Variants in DCC observed in about 807,000 individuals in gnomAD.
The protein encoded by DCC is DCC netrin 1 receptor, also known as netrin receptor DCC.
DCC carries 58 observed loss-of-function variants against 172.5 expected under a neutral mutation model. The ratio of observed to expected loss-of-function variants is 0.34; its 90% CI spans 0.27 to 0.42. The LOEUF is 0.42. DCC is among the 10% of genes least tolerant of loss of function. DCC has a pLI of 1.00. For missense variants in DCC, 1,740 were observed against 1,791.0 expected (o/e 0.97, Z 0.51); for synonymous variants, 709 against 644.5 (o/e 1.10, Z -1.52).
intron 5 of DCC, among the ~76,000 whole-genome samples, chr18:52,933,679 T>A (rs1185909375): frequency 2.1e-4 from 32 of 152,046 alleles, no homozygotes; most frequent in Admixed American, 2.1e-3. Context: ...GTGAGCTATT[T>A]AATTTTAGCC....
At chr18:52,448,572 C>G (rs552487905) in intron 1 of DCC, among the ~76,000 whole-genome samples, 1 of 151,870 alleles carries the variant, frequency 6.6e-6, no homozygotes, top group African/African-American at 2.4e-5. Context: ...ATTTATCTGC[C>G]CAGAACCGAT....
At chr18:52,461,970 G>C (rs1467950399) in intron 1 of DCC, among the ~76,000 whole-genome samples, 1 of 152,114 alleles carries the variant, frequency 6.6e-6, no homozygotes, top group Non-Finnish European at 1.5e-5. Flanking sequence ...CTCTGAGTTG[G>C]AGGAAACTCA....
At chr18:52,497,277 AAAAATAT>A (rs2030807265) in intron 1 of DCC, among the ~76,000 whole-genome samples, 1 of 34,772 alleles carries the variant, frequency 2.9e-5, no homozygotes, top group African/African-American at 1.1e-4. Flanking sequence ...AAAAAAAAAA[AAAAATAT>A]ATATATATAT....
chr18:53,123,417 T>G (rs920523696), intron 7 of DCC, among the ~76,000 whole-genome samples: 1 of 151,530 alleles, frequency 6.6e-6, no homozygotes, highest in African/African-American at 2.4e-5. Flanking sequence ...TGAAGCAGAG[T>G]GGGGGTGTGA....
At chr18:53,261,664 A>G (rs7237361) in intron 12 of DCC, among the ~76,000 whole-genome samples, 131,248 of 152,050 alleles carry the variant, frequency 0.86, 56,937 homozygotes, top group Admixed American at 0.91. Context: ...GGTGCCTGCC[A>G]TCATACCCGG....
chr18:53,033,076 C>A (rs1172188631), intron 5 of DCC, among the ~76,000 whole-genome samples: 2 of 152,096 alleles, frequency 1.3e-5, no homozygotes, highest in African/African-American at 4.8e-5. Flanking sequence ...TGACAAGTGA[C>A]TGAAGACTCC....
intron 12 of DCC, among the ~76,000 whole-genome samples, chr18:53,291,221 A>AT (rs1054695519): frequency 3.3e-5 from 5 of 151,958 alleles, no homozygotes; most frequent in Admixed American, 6.6e-5. Flanking sequence ...AAATTATGTC[A>AT]TTTTTTTCTC....
intron 1 of DCC, among the ~76,000 whole-genome samples, chr18:52,353,483 G>T (rs1258649743): frequency 6.6e-6 from 1 of 152,180 alleles, no homozygotes; most frequent in Non-Finnish European, 1.5e-5. Flanking sequence ...CATGCTCAAA[G>T]TGAGACCCTG....
At chr18:52,902,997 A>G (rs1298427588) in intron 2 of DCC, among the ~76,000 whole-genome samples, 1 of 152,166 alleles carries the variant, frequency 6.6e-6, no homozygotes, top group Non-Finnish European at 1.5e-5. Context: ...CTATTAGCCA[A>G]TTCTGTTAAG....
chr18:53,373,515 T>C (rs896302705), intron 15 of DCC, among the ~76,000 whole-genome samples: 12 of 152,230 alleles, frequency 7.9e-5, no homozygotes, highest in Non-Finnish European at 1.8e-4. Context: ...CGACTCATTA[T>C]TGTAGTTATT....
chr18:52,629,398 GA>G (rs2034633310), intron 1 of DCC, among the ~76,000 whole-genome samples: 1 of 152,158 alleles, frequency 6.6e-6, no homozygotes, highest in African/African-American at 2.4e-5. Flanking sequence ...GATCCCTATG[GA>G]AATGTGGGCA....
chr18:52,402,478 G>T (rs1410215700), intron 1 of DCC, among the ~76,000 whole-genome samples: 1 of 151,850 alleles, frequency 6.6e-6, no homozygotes, highest in Non-Finnish European at 1.5e-5. Flanking sequence ...AGTGCCCCAG[G>T]AAAGTACCCA....
intron 5 of DCC, among the ~76,000 whole-genome samples, chr18:53,031,879 T>C (rs1373293910): frequency 2.0e-5 from 3 of 152,040 alleles, no homozygotes; most frequent in Non-Finnish European, 2.9e-5. Context: ...TGTGTGTGCA[T>C]TGTATGTATG....
intron 1 of DCC, among the ~76,000 whole-genome samples, chr18:52,635,876 G>A (rs1044654742): frequency 5.3e-5 from 8 of 152,172 alleles, no homozygotes; most frequent in African/African-American, 1.7e-4. Context: ...CCTCTAGACA[G>A]AGCAGCCGGC....
Position 52,518,610 on chromosome 18 carries a change from G to A in DCC, c.91+177732G>A, listed in dbSNP as rs7228774. Among the ~76,000 whole-genome samples the A allele has an allele frequency of 8.5e-3, 1,296 of 152,272 alleles. 26 individuals are homozygous for A. Among genetic ancestry groups the A allele is most frequent in the African/African-American group, 0.03 (1,247 of 41,558 alleles). The stretch of plus-strand genomic sequence containing the variant: ...GTGCTAGTCTCAGAAAAAGGGCAGT[G>A]CAGAAAGTAGATCTGAATACATGTG... On this transcript the variant is annotated intron_variant, in intron 1 of 28. Transcript: ENST00000442544.
intron 2 of DCC, among the ~76,000 whole-genome samples, chr18:52,785,902 G>C (rs2037648251): frequency 6.6e-6 from 1 of 152,004 alleles, no homozygotes; most frequent in Non-Finnish European, 1.5e-5. Context: ...TTTAGGACAA[G>C]TATTTACCAT....
Position 53,305,781 on chromosome 18 carries a change from A to G in DCC, c.2053+62A>G, listed in dbSNP as rs148517500. ...ATGAATTAAATGCTTTAGGAATAAA[A>G]TATAGTCTCACTCCAAAGGAACATT... is the stretch of plus-strand genomic sequence containing the variant. On this transcript the variant is annotated intron_variant, in intron 13 of 28. Coordinates refer to ENST00000442544, the MANE Select transcript of DCC (RefSeq NM_005215.4). 2.0e-3 allele frequency: 3,133 copies of G among 1,530,396 alleles called. 18 individuals are homozygous for G. The highest frequency in any genetic ancestry group is 0.012 in the South Asian group (1,074 of 89,414). The allele number at this position is 1,530,396 out of a possible 1,614,324, so 94.8% of individuals were successfully genotyped here. A position where few individuals can be genotyped will look rare whatever the true frequency, so the allele number is the denominator to read the frequency against.
chr18:53,097,544 A>G (rs1315894768), intron 7 of DCC, among the ~76,000 whole-genome samples: 2 of 152,186 alleles, frequency 1.3e-5, no homozygotes, highest in Admixed American at 1.3e-4. Flanking sequence ...AGATTGAAGC[A>G]TACATATTTG....
At chr18:52,355,212 A>C (rs938322143) in intron 1 of DCC, among the ~76,000 whole-genome samples, 1 of 152,170 alleles carries the variant, frequency 6.6e-6, no homozygotes, top group African/African-American at 2.4e-5. Context: ...GAGATTAAAA[A>C]AAAAAAGCAC....
Sources: gnomAD v4.1 joint callset for allele counts (sites outside exome capture counted in the v4.1 genomes callset) on GRCh38, gnomAD v4.1.1 for gene constraint, MANE v1.5 for transcripts, NCBI Gene and HGNC (gene_info 2026-07-23, HGNC 2026-07-21) for gene names.